Variants in ZNF10 observed in about 807,000 individuals in gnomAD.
ZNF10 encodes zinc finger protein 10 (KOX 1).
In ZNF10, 8 loss-of-function variants were observed where a neutral mutation model predicts 12.2. The observed-to-expected ratio is 0.66, with a 90% CI of 0.39 to 1.18. ZNF10 has a LOEUF of 1.18. Ranked by LOEUF, ZNF10 falls within the 50% of genes most tolerant of loss-of-function variation. ZNF10 has a pLI of 0.01. For synonymous variants in ZNF10, 229 were observed against 228.2 expected (o/e 1.00, Z -0.03); for missense variants, 603 against 678.9 (o/e 0.89, Z 1.24).
At chr12:133,131,730 T>C (rs1955878393) in intron 1 of ZNF10, among the ~76,000 whole-genome samples, 1 of 152,236 alleles carries the variant, frequency 6.6e-6, no homozygotes, top group African/African-American at 2.4e-5. Context: ...CTGCCTCTTT[T>C]TGAAAGTTAC....
At chr12:133,151,968 C>T in intron 4 of ZNF10, 64 bp downstream of exon 4, 1 of 1,336,660 alleles carries the variant, frequency 7.5e-7, no homozygotes, top group South Asian at 1.2e-5. Context: ...GCCAGAACTT[C>T]TAGAGATAGT....
At chr12:133,133,026 C>CGT (rs1343296121) in intron 1 of ZNF10, among the ~76,000 whole-genome samples, 2 of 151,880 alleles carry the variant, frequency 1.3e-5, no homozygotes, top group Admixed American at 1.3e-4. Context: ...TTTCAGAATA[C>CGT]GTATGTATTA....
chr12:133,155,602 A>T lies in ZNF10; in HGVS notation c.356A>T (p.Asn119Ile). Residue 119 changes from asparagine (N) to isoleucine (I), a missense_variant, in exon 5 of 5, where the codon AAT (asparagine) becomes ATT (isoleucine). Transcript: ENST00000248211. ...CDIKMEGMAR[N>I]DLWYLSLEEV... ...ATTAAAATGGAAGGAATGGCAAGGA[A>T]TGATCTCTGGTATTTGTCATTAGAA... is the stretch of plus-strand genomic sequence containing the variant. The T allele has an allele frequency of 6.2e-7, 1 of 1,614,016 alleles. No homozygotes were observed. Among genetic ancestry groups the T allele is most frequent in the Non-Finnish European group, 8.5e-7 (1 of 1,179,974 alleles).
Position 133,139,893 on chromosome 12 carries a change from G to A in ZNF10, c.-59-4541G>A, listed in dbSNP as rs1955934488. Among the ~76,000 whole-genome samples, 5 of 151,620 alleles carry A rather than the reference G, an allele frequency of 3.3e-5. No homozygotes were observed. The South Asian group carries it at 8.3e-4, about 25-fold the overall frequency. ...TGGGCAACATAATGAGACCCCTATC[G>A]CTGCAAAAAAAATTTTTTTAATTAG... On this transcript the variant is annotated intron_variant, in intron 1 of 4. Transcript: ENST00000248211.
Position 133,144,425 on chromosome 12 carries a change from T to C in ZNF10, c.-59-9T>C. 1 of 1,550,518 alleles carries C rather than the reference T, an allele frequency of 6.4e-7. No homozygotes were observed. Among genetic ancestry groups the C allele is most frequent in the South Asian group, 1.2e-5 (1 of 86,542 alleles). On this transcript the variant is annotated splice_polypyrimidine_tract_variant and intron_variant, in intron 1 of 4. Transcript: ENST00000248211. ...GCAAACTTAACTTATGTTTCTTTCT[T>C]TTTCCCAGCTTTGTCTCCTCAGCAC...
intron 2 of ZNF10, among the ~76,000 whole-genome samples, chr12:133,149,184 C>T (rs972452997): frequency 1.7e-4 from 26 of 152,034 alleles, no homozygotes; most frequent in African/African-American, 5.8e-4. Context: ...CTGGCTCAAA[C>T]TCCTGGACTC....
At chr12:133,139,888 C>A (rs909926261) in intron 1 of ZNF10, among the ~76,000 whole-genome samples, 29 of 151,612 alleles carry the variant, frequency 1.9e-4, no homozygotes, top group African/African-American at 7.0e-4. Flanking sequence ...AATGAGACCC[C>A]TATCGCTGCA....
chr12:133,136,568 G>A (rs529245694), intron 1 of ZNF10, among the ~76,000 whole-genome samples: 5 of 152,118 alleles, frequency 3.3e-5, no homozygotes, highest in South Asian at 2.1e-4. Context: ...TGGTCCTACC[G>A]TTTATTTTAC....
At position 133,156,534 on chromosome 12, in the gene ZNF10, C is replaced by T. The variant is rs747095111; in HGVS notation, c.1288C>T (p.Leu430=). 5.0e-6 allele frequency: 8 copies of T among 1,613,792 alleles called. No individual in the cohort carries two copies. The Admixed American group carries it at 1.0e-4, about 20-fold the overall frequency. ...LVVHHRIHTG[L]KPFECKDCGK... is the part of the protein sequence containing the mutation. ...TGTGCATCATAGAATTCACACTGGA[C>T]TAAAACCTTTTGAGTGTAAGGATTG... The change falls in exon 5 of 5, where the codon CTA becomes TTA. Residue 430 remains leucine (L), a synonymous_variant. Coordinates refer to ENST00000248211, the MANE Select transcript of ZNF10 (RefSeq NM_015394.5).
Position 133,151,036 on chromosome 12 carries a change from G to A in ZNF10, c.42G>A (p.Val14=), listed in dbSNP as rs1956003724. 1.2e-6 allele frequency: 2 copies of A among 1,612,426 alleles called. No individual in the cohort carries two copies. Among genetic ancestry groups the A allele is most frequent in the Non-Finnish European group, 8.5e-7 (1 of 1,178,884 alleles). ...TGTGTTTGATGTTGTAGACACTGGT[G>A]ACCTTCAAGGATGTATTTGTGGACT... ...KSLTAWSRTL[V]TFKDVFVDFT... Residue 14 remains valine, a synonymous_variant, in exon 3 of 5, where the codon GTG becomes GTA. Transcript: ENST00000248211.
chr12:133,142,441 A>G (rs1445451262), intron 1 of ZNF10, among the ~76,000 whole-genome samples: 11 of 151,622 alleles, frequency 7.3e-5, no homozygotes, highest in Non-Finnish European at 1.5e-4. Flanking sequence ...GGGAGAAACT[A>G]TTTGCAAATC....
At chr12:133,151,212 A>T in intron 3 of ZNF10, 58 bp downstream of exon 3, 1 of 1,541,884 alleles carries the variant, frequency 6.5e-7, no homozygotes, top group Non-Finnish European at 8.8e-7. Flanking sequence ...AGGTACAGAG[A>T]CCCTGAAGCA....
chr12:133,155,838 G>A lies in ZNF10; in HGVS notation c.592G>A (p.Asp198Asn). The stretch of plus-strand genomic sequence containing the variant: ...CTCACATACTAAAAGTTTAAAACAT[G>A]ATTTAGTTCTTAATGGTCATCAGGA... ...RDSHTKSLKH[D>N]LVLNGHQDSC... Residue 198 changes from aspartate (D) to asparagine (N), a missense_variant, in exon 5 of 5, where the codon GAT becomes AAT. Asp to Asn is a conservative substitution (Grantham distance 23). Transcript: ENST00000248211. 4 of 1,613,670 alleles carry A rather than the reference G, an allele frequency of 2.5e-6. No individual in the cohort carries two copies. Among genetic ancestry groups the A allele is most frequent in the Non-Finnish European group, 3.4e-6 (4 of 1,179,856 alleles).
intron 4 of ZNF10, among the ~76,000 whole-genome samples, chr12:133,152,535 C>T (rs1956015367): frequency 6.6e-6 from 1 of 152,196 alleles, no homozygotes; most frequent in Non-Finnish European, 1.5e-5. Context: ...CCGCCTTAGC[C>T]TCCCAAAGAA....
chr12:133,147,072 A>G lies in ZNF10; in HGVS notation c.33+2547A>G, dbSNP rs1002842156. 7.9e-5 allele frequency among the ~76,000 whole-genome samples: 12 copies of G among 152,302 alleles called. No individual in the cohort carries two copies. The South Asian group carries it at 1.2e-3, about 16-fold the overall frequency. The stretch of plus-strand genomic sequence containing the variant: ...GTATCGGAGGTTCATCTGTTGTTGC[A>G]TGAGTCAGTAGGATGTTCCTTTTTA... On this transcript the variant is annotated intron_variant, in intron 2 of 4. Transcript: ENST00000248211.
At chr12:133,133,532 C>T (rs760625222) in intron 1 of ZNF10, among the ~76,000 whole-genome samples, 8 of 152,260 alleles carry the variant, frequency 5.3e-5, no homozygotes, top group Admixed American at 2.6e-4. Flanking sequence ...CGTAAGGCAG[C>T]GTTGAAGTGC....
At chr12:133,152,408 G>A (rs551481405) in intron 4 of ZNF10, among the ~76,000 whole-genome samples, 30 of 152,002 alleles carry the variant, frequency 2.0e-4, no homozygotes, top group African/African-American at 7.2e-4. Flanking sequence ...TTTTCCTACT[G>A]TACTTTAGAT....
chr12:133,152,163 T>A, intron 4 of ZNF10, among the ~76,000 whole-genome samples: 1 of 152,240 alleles, frequency 6.6e-6, no homozygotes, highest in East Asian at 1.9e-4. Flanking sequence ...CACTCTAGCA[T>A]CTTGTGCTTT....
chr12:133,132,433 C>T (rs1032720377), intron 1 of ZNF10, among the ~76,000 whole-genome samples: 1 of 151,658 alleles, frequency 6.6e-6, no homozygotes, highest in Non-Finnish European at 1.5e-5. Context: ...CCATGCCCAG[C>T]TAATTAACAT....
Sources: allele counts gnomAD v4.1 joint callset (sites outside exome capture counted in the v4.1 genomes callset), GRCh38; gene constraint gnomAD v4.1.1; transcripts MANE v1.5; gene names NCBI Gene and HGNC (gene_info 2026-07-23, HGNC 2026-07-21).